FAM185A: variants seen among roughly 807,000 people sequenced by gnomAD.
The protein encoded by FAM185A is family with sequence similarity 185 member A, also known as protein FAM185A.
In FAM185A, 21 loss-of-function variants were observed where a neutral mutation model predicts 45.7. The observed-to-expected ratio is 0.46, with a 90% CI of 0.33 to 0.66. The LOEUF (loss-of-function observed/expected upper bound fraction) is 0.66, where lower values mean the gene tolerates loss of function less well. Ranked by LOEUF, FAM185A falls within the 30% of genes least tolerant of loss-of-function variation. The probability of loss-of-function intolerance (pLI) is 0.03; values close to 1 mark genes in which losing one functional copy is unlikely to be tolerated. For missense variants in FAM185A, 305 were observed against 485.4 expected, an observed-to-expected ratio of 0.63 and a Z score of 3.49; for synonymous variants, 117 against 194.0, an observed-to-expected ratio of 0.60 and a Z score of 3.30.
intron 7 of FAM185A, among the ~76,000 whole-genome samples, chr7:102,796,806 T>C (rs1215970885): frequency 6.6e-6 from 1 of 152,134 alleles, no homozygotes; most frequent in Non-Finnish European, 1.5e-5. Context: ...TATAACTGTA[T>C]TGCACTTGTT....
intron 7 of FAM185A, among the ~76,000 whole-genome samples, chr7:102,794,925 C>T: frequency 6.6e-6 from 1 of 152,072 alleles, no homozygotes; most frequent in Non-Finnish European, 1.5e-5. Context: ...TCTATGATTC[C>T]ATTTATATAA....
intron 7 of FAM185A, among the ~76,000 whole-genome samples, chr7:102,793,386 AT>A (rs1275670521): frequency 2.0e-5 from 3 of 151,868 alleles, no homozygotes; most frequent in Admixed American, 6.5e-5. Flanking sequence ...TAATTTTTGT[AT>A]TTTTAGTAGA....
intron 7 of FAM185A, among the ~76,000 whole-genome samples, chr7:102,800,212 A>C (rs977182326): frequency 6.6e-6 from 1 of 152,212 alleles, no homozygotes; most frequent in Non-Finnish European, 1.5e-5. Context: ...ATGGTATTAC[A>C]TCAAGAGAAC....
At chr7:102,823,969 C>A in the FAM185A span, among the ~76,000 whole-genome samples, 2 of 152,022 alleles carry the variant, frequency 1.3e-5, no homozygotes, top group Admixed American at 6.6e-5. Flanking sequence ...AAAAAAGGCC[C>A]ACAGAATTGT....
At chr7:102,790,020 G>A (rs10255502) in intron 7 of FAM185A, among the ~76,000 whole-genome samples, 2,281 of 152,082 alleles carry the variant, frequency 0.015, 64 homozygotes, top group African/African-American at 0.052. Context: ...CTCCTGTGAT[G>A]ATAATGCCTT....
the FAM185A span, among the ~76,000 whole-genome samples, chr7:102,843,301 G>C: frequency 2.0e-5 from 3 of 151,706 alleles, no homozygotes; most frequent in African/African-American, 7.3e-5. Context: ...AAATTACCTG[G>C]GCGTGGTGGC....
At chr7:102,757,293 T>C (rs1255952193) in intron 2 of FAM185A, among the ~76,000 whole-genome samples, 2 of 152,110 alleles carry the variant, frequency 1.3e-5, no homozygotes, top group Non-Finnish European at 2.9e-5. Flanking sequence ...TTGATTCTAA[T>C]TGTTACTTTA....
At chr7:102,800,733 G>T (rs6465873) in intron 7 of FAM185A, among the ~76,000 whole-genome samples, 72,951 of 151,610 alleles carry the variant, frequency 0.48, 20,344 homozygotes, top group African/African-American at 0.78. Context: ...ACATCTGGGA[G>T]TATGTTAAAT....
At chr7:102,813,430 G>A (rs758501569), downstream of FAM185A, 13 of 1,614,048 alleles carry the variant, frequency 8.1e-6, no homozygotes, top group African/African-American at 1.7e-4. Flanking sequence ...GTCAAGCTCT[G>A]TAACAGGGTT....
At chr7:102,806,052 T>A (rs1797092099) in intron 7 of FAM185A, among the ~76,000 whole-genome samples, 1 of 152,244 alleles carries the variant, frequency 6.6e-6, no homozygotes, top group South Asian at 2.1e-4. Flanking sequence ...GAGAAACAAC[T>A]CAGAGACATA....
intron 4 of FAM185A, among the ~76,000 whole-genome samples, chr7:102,768,710 C>A (rs1469601269): frequency 6.6e-6 from 1 of 151,314 alleles, no homozygotes; most frequent in Admixed American, 6.6e-5. Flanking sequence ...TTTTTTTCCT[C>A]TGACCATGCT....
At chr7:102,751,552 G>C in intron 1 of FAM185A, 140 bp from the exon 2 acceptor site, 1 of 913,856 alleles carries the variant, frequency 1.1e-6, no homozygotes, top group Non-Finnish European at 1.5e-6. Context: ...TGTGGTAGAA[G>C]ACCCCTTACC....
intron 6 of FAM185A, among the ~76,000 whole-genome samples, chr7:102,781,821 G>A (rs1328900980): frequency 3.9e-5 from 6 of 152,170 alleles, no homozygotes; most frequent in South Asian, 2.1e-4. Context: ...TGACTTTGAC[G>A]AGTTGAGAGA....
chr7:102,757,668 C>T (rs910167006), intron 2 of FAM185A, among the ~76,000 whole-genome samples, 186 bp from the exon 3 acceptor site: 24 of 152,156 alleles, frequency 1.6e-4, no homozygotes, highest in African/African-American at 5.8e-4. Flanking sequence ...TATTTAATCC[C>T]TTTAACAGCA....
the FAM185A span, among the ~76,000 whole-genome samples, chr7:102,850,462 A>C: frequency 1.3e-5 from 2 of 152,238 alleles, no homozygotes; most frequent in African/African-American, 4.8e-5. Context: ...CCATATGAGA[A>C]ATATAACCCA....
intron 7 of FAM185A, 94 bp from the exon 8 acceptor site, chr7:102,808,196 T>G (rs763880726): frequency 3.9e-5 from 32 of 813,948 alleles, no homozygotes; most frequent in Non-Finnish European, 6.1e-5. Flanking sequence ...ATTCTTGATG[T>G]TCTAAGGTGT....
chr7:102,760,894 T>C (rs1794073091), intron 3 of FAM185A, among the ~76,000 whole-genome samples: 2 of 152,230 alleles, frequency 1.3e-5, no homozygotes, highest in African/African-American at 4.8e-5. Flanking sequence ...TTAGTGAAGT[T>C]GTTGGATTAA....
rs1487353854 is a variant in FAM185A, at chr7:102,754,192, A to C, written c.561+2391A>C. On this transcript the variant is annotated intron_variant, in intron 2 of 7. Transcript: ENST00000413034. The stretch of plus-strand genomic sequence containing the variant: ...AGGACTTGAAATATAGTTGACCTAC[A>C]TAATAAAAAAAATTTTTTTTTTTTT... Among the ~76,000 whole-genome samples the C allele has an allele frequency of 3.6e-5, 5 of 139,438 alleles. No homozygotes were observed. The East Asian group carries it at 1.0e-3, about 29-fold the overall frequency. The allele number at this position is 139,438 out of a possible 152,430, so 91.5% of individuals were successfully genotyped here. A position where few individuals can be genotyped will look rare whatever the true frequency, so the allele number is the denominator to read the frequency against.
the FAM185A span, among the ~76,000 whole-genome samples, chr7:102,843,997 G>C: frequency 6.6e-6 from 1 of 152,082 alleles, no homozygotes; most frequent in East Asian, 1.9e-4. Flanking sequence ...TTCATCAGTG[G>C]TGTCATCTGC....
Sources: gnomAD v4.1 joint callset for allele counts (sites outside exome capture counted in the v4.1 genomes callset) on GRCh38, gnomAD v4.1.1 for gene constraint, MANE v1.5 for transcripts, NCBI Gene and HGNC (gene_info 2026-07-23, HGNC 2026-07-21) for gene names.